Variants in SLC31A1 observed in about 807,000 individuals in gnomAD.
SLC31A1 encodes high affinity copper uptake protein 1.
Under a neutral mutation model 17.2 loss-of-function variants are expected in SLC31A1, and 5 were observed. The ratio of observed to expected loss-of-function variants is 0.29; its 90% CI spans 0.15 to 0.61. The LOEUF is 0.61. Ranked by LOEUF, SLC31A1 falls within the 20% of genes least tolerant of loss-of-function variation. The pLI is 0.86. For missense variants in SLC31A1, 161 were observed against 241.4 expected, an observed-to-expected ratio of 0.67 and a Z score of 2.21; for synonymous variants, 76 against 78.8, an observed-to-expected ratio of 0.96 and a Z score of 0.19.
chr9:113,241,506 G>A (rs1831520732), intron 1 of SLC31A1, among the ~76,000 whole-genome samples: 1 of 152,200 alleles, frequency 6.6e-6, no homozygotes. Flanking sequence ...TATTTGAACA[G>A]TTATTATAGA....
At chr9:113,244,155 CAAA>C (rs1200835310) in intron 1 of SLC31A1, among the ~76,000 whole-genome samples, 1 of 41,306 alleles carries the variant, frequency 2.4e-5, no homozygotes, top group Non-Finnish European at 4.5e-5. Context: ...AACTCCATCT[CAAA>C]AAAAAAAAAA....
intron 1 of SLC31A1, among the ~76,000 whole-genome samples, chr9:113,244,005 A>T (rs1207996276): frequency 6.6e-6 from 1 of 151,996 alleles, no homozygotes; most frequent in Non-Finnish European, 1.5e-5. Flanking sequence ...AATACAAAAA[A>T]TTAGCCAGGC....
At chr9:113,256,364 A>G (rs1388528393) in intron 2 of SLC31A1, 87 bp downstream of exon 2, 3 of 1,486,444 alleles carry the variant, frequency 2.0e-6, no homozygotes, top group East Asian at 2.3e-5. Flanking sequence ...GAAGCTTATT[A>G]TCTTTAAAGG....
Position 113,262,474 on chromosome 9 carries a change from C to G in SLC31A1, c.*2001C>G, listed in dbSNP as rs1831804399. ...GGCAGAGGAAACAAAACACAGCTAT[C>G]CTGTTGGCCTGTGTTGTGGTTTTGA... On this transcript the variant is annotated 3_prime_UTR_variant, in exon 5 of 5. Transcript: ENST00000374212. 6.6e-6 allele frequency: 1 copy of G among 152,526 alleles called. No individual in the cohort carries two copies. Among genetic ancestry groups the G allele is most frequent in the Non-Finnish European group, 1.5e-5 (1 of 68,048 alleles). The allele number at this position is 152,526 out of a possible 1,614,324, so 9.4% of individuals were successfully genotyped here.
At position 113,242,944 on chromosome 9, in the gene SLC31A1, C is replaced by T. The variant is rs1048515985; in HGVS notation, c.-35-13170C>T. ...AGTCTCTCTCATATTTTTCACAAAA[C>T]ACATATTTTCCAAAAGTATATGAAG... is the stretch of plus-strand genomic sequence containing the variant. On this transcript the variant is annotated intron_variant, in intron 1 of 4. Transcript: ENST00000374212. 1.2e-4 allele frequency among the ~76,000 whole-genome samples: 19 copies of T among 152,142 alleles called. 1 individual carries two copies. Among genetic ancestry groups the T allele is most frequent in the Admixed American group, 1.2e-3 (19 of 15,274 alleles).
At chr9:113,226,859 G>C (rs1326454653) in intron 1 of SLC31A1, among the ~76,000 whole-genome samples, 1 of 152,136 alleles carries the variant, frequency 6.6e-6, no homozygotes, top group African/African-American at 2.4e-5. Flanking sequence ...CTAGAATGTA[G>C]TCATTTAATT....
intron 1 of SLC31A1, among the ~76,000 whole-genome samples, chr9:113,226,965 C>T (rs752959895): frequency 1.3e-5 from 2 of 152,174 alleles, no homozygotes; most frequent in African/African-American, 4.8e-5. Flanking sequence ...AACCCCTATG[C>T]ATAATCTATA....
At chr9:113,228,697 G>C (rs932865779) in intron 1 of SLC31A1, among the ~76,000 whole-genome samples, 1 of 152,230 alleles carries the variant, frequency 6.6e-6, no homozygotes, top group Non-Finnish European at 1.5e-5. Context: ...GAGAAATGGG[G>C]CTGGAGAAAG....
intron 1 of SLC31A1, among the ~76,000 whole-genome samples, chr9:113,243,232 C>A (rs530086985): frequency 6.6e-6 from 1 of 152,252 alleles, no homozygotes; most frequent in East Asian, 1.9e-4. Flanking sequence ...TAAACTAATT[C>A]TTTGCCTTTA....
At position 113,260,535 on chromosome 9, in the gene SLC31A1, G is replaced by A; in HGVS notation, c.*62G>A. On this transcript the variant is annotated 3_prime_UTR_variant, in exon 5 of 5. Coordinates refer to ENST00000374212, the MANE Select transcript of SLC31A1 (RefSeq NM_001859.4). ...GGGAAGTTGTTGAAGACTTGAAGACGTGATTCCTGCTCCAATCATCCCTTC... is the reference window on the plus strand; with the variant it reads ...GGGAAGTTGTTGAAGACTTGAAGACATGATTCCTGCTCCAATCATCCCTTC... 17 of 1,342,396 alleles carry A rather than the reference G, an allele frequency of 1.3e-5. No individual in the cohort carries two copies. The highest frequency in any genetic ancestry group is 1.7e-5 in the Non-Finnish European group (16 of 946,894). The allele number at this position is 1,342,396 out of a possible 1,614,324, so 83.2% of individuals were successfully genotyped here.
intron 1 of SLC31A1, among the ~76,000 whole-genome samples, chr9:113,226,338 C>G (rs1421284069): frequency 6.6e-6 from 1 of 151,886 alleles, no homozygotes; most frequent in African/African-American, 2.4e-5. Flanking sequence ...GCTCTTAAAT[C>G]CATTTTAAAA....
intron 1 of SLC31A1, among the ~76,000 whole-genome samples, chr9:113,229,850 T>C (rs1019590208): frequency 1.3e-5 from 2 of 152,208 alleles, no homozygotes; most frequent in Non-Finnish European, 1.5e-5. Context: ...ATAGGTAATC[T>C]CTCCAAAATT....
At chr9:113,243,091 T>A (rs1362463615) in intron 1 of SLC31A1, among the ~76,000 whole-genome samples, 1 of 152,014 alleles carries the variant, frequency 6.6e-6, no homozygotes, top group Non-Finnish European at 1.5e-5. Context: ...TTTTTTTGTT[T>A]AAGTTTTAGC....
intron 1 of SLC31A1, among the ~76,000 whole-genome samples, chr9:113,223,848 C>T (rs77894316): frequency 7.3e-4 from 111 of 152,276 alleles, no homozygotes; most frequent in Middle Eastern, 3.4e-3. Flanking sequence ...TTATATCAGG[C>T]ATAATGATAG....
intron 4 of SLC31A1, among the ~76,000 whole-genome samples, chr9:113,259,698 C>T (rs1177489221): frequency 6.6e-6 from 1 of 151,820 alleles, no homozygotes; most frequent in Non-Finnish European, 1.5e-5. Flanking sequence ...GATCCTCCCA[C>T]CTCAGCCTCC....
chr9:113,237,442 T>C (rs926451285), intron 1 of SLC31A1, among the ~76,000 whole-genome samples: 1 of 151,920 alleles, frequency 6.6e-6, no homozygotes, highest in African/African-American at 2.4e-5. Flanking sequence ...TTTCCAAGCC[T>C]CTCTCAAAAC....
At chr9:113,237,463 T>G (rs1390569540) in intron 1 of SLC31A1, among the ~76,000 whole-genome samples, 1 of 152,164 alleles carries the variant, frequency 6.6e-6, no homozygotes, top group Non-Finnish European at 1.5e-5. Flanking sequence ...TACAGCTGTT[T>G]CCTTGCCTCC....
At chr9:113,225,630 T>G (rs1244313891) in intron 1 of SLC31A1, among the ~76,000 whole-genome samples, 1 of 152,280 alleles carries the variant, frequency 6.6e-6, no homozygotes, top group East Asian at 1.9e-4. Flanking sequence ...AAAATAAAGT[T>G]TCCATACTAA....
intron 1 of SLC31A1, among the ~76,000 whole-genome samples, chr9:113,233,072 AG>A (rs1266466011): frequency 2.0e-5 from 3 of 152,216 alleles, no homozygotes; most frequent in Non-Finnish European, 1.5e-5. Flanking sequence ...CTTAGTTTAG[AG>A]GAAACTAACT....
Sources: allele counts gnomAD v4.1 joint callset (sites outside exome capture counted in the v4.1 genomes callset), GRCh38; gene constraint gnomAD v4.1.1; transcripts MANE v1.5; gene names NCBI Gene and HGNC (gene_info 2026-07-23, HGNC 2026-07-21).